NAALADL2: variants seen among roughly 807,000 people sequenced by gnomAD.
NAALADL2 encodes inactive N-acetylated-alpha-linked acidic dipeptidase-like protein 2.
In NAALADL2, 76 loss-of-function variants were observed where a neutral mutation model predicts 87.2. That is an observed-to-expected ratio of 0.87 (90% CI 0.72 to 1.05). The LOEUF is 1.05. NAALADL2 is among the 50% of genes least tolerant of loss of function. The pLI is 0.00. For missense variants in NAALADL2, 1,089 were observed against 945.8 expected, an observed-to-expected ratio of 1.15 and a Z score of -1.99; for synonymous variants, 354 against 331.0, an observed-to-expected ratio of 1.07 and a Z score of -0.75.
chr3:174,718,721 G>A (rs951270840), intron 2 of NAALADL2, among the ~76,000 whole-genome samples: 4 of 152,188 alleles, frequency 2.6e-5, no homozygotes, highest in African/African-American at 9.6e-5. Context: ...CTAAATCCAG[G>A]GCTGTATCTT....
intron 1 of NAALADL2, among the ~76,000 whole-genome samples, chr3:174,883,904 T>C (rs936009945): frequency 2.6e-5 from 4 of 152,188 alleles, no homozygotes; most frequent in African/African-American, 9.7e-5. Context: ...CTAATGGGCC[T>C]CCTGTATTCC....
At chr3:175,263,697 TAAAC>T (rs917178254) in intron 4 of NAALADL2, among the ~76,000 whole-genome samples, 1 of 151,376 alleles carries the variant, frequency 6.6e-6, no homozygotes, top group African/African-American at 2.4e-5. Context: ...TGTTATAAAT[TAAAC>T]AAAGTAAAAT....
chr3:175,194,329 A>G (rs1738664370), intron 2 of NAALADL2, among the ~76,000 whole-genome samples: 1 of 151,840 alleles, frequency 6.6e-6, no homozygotes, highest in Non-Finnish European at 1.5e-5. Context: ...AAACTAAAAC[A>G]GAGATGAATC....
At chr3:175,119,747 ATATC>A (rs1425038939) in intron 2 of NAALADL2, among the ~76,000 whole-genome samples, 2 of 144,674 alleles carry the variant, frequency 1.4e-5, no homozygotes, top group African/African-American at 2.6e-5. Context: ...ATATACTTAT[ATATC>A]TATATATAAA....
chr3:174,964,131 T>C (rs1235716754), intron 1 of NAALADL2, among the ~76,000 whole-genome samples: 1 of 152,136 alleles, frequency 6.6e-6, no homozygotes, highest in African/African-American at 2.4e-5. Context: ...TTTCTTCACA[T>C]GTAATGAAAT....
intron 2 of NAALADL2, among the ~76,000 whole-genome samples, chr3:175,140,232 G>C (rs940020866): frequency 6.6e-6 from 1 of 152,086 alleles, no homozygotes; most frequent in Admixed American, 6.6e-5. Context: ...ACCTAAATCA[G>C]TTCTGGACCT....
intron 1 of NAALADL2, among the ~76,000 whole-genome samples, chr3:174,537,897 C>A (rs1034398475): frequency 1.3e-5 from 2 of 152,138 alleles, no homozygotes; most frequent in African/African-American, 4.8e-5. Flanking sequence ...GCAGCCTATT[C>A]TTCCTCTTTC....
intron 4 of NAALADL2, among the ~76,000 whole-genome samples, chr3:175,284,032 C>CA (rs532617378): frequency 3.9e-4 from 59 of 152,126 alleles, no homozygotes; most frequent in Middle Eastern, 3.4e-3. Flanking sequence ...GTCCCATTAT[C>CA]AAAAAACTCG....
intron 2 of NAALADL2, among the ~76,000 whole-genome samples, chr3:174,627,643 G>GT (rs1009423871): frequency 1.3e-5 from 2 of 152,160 alleles, no homozygotes; most frequent in Non-Finnish European, 2.9e-5. Flanking sequence ...GCACGTGTAT[G>GT]TTTTTTGTAC....
chr3:175,136,456 T>C (rs1176743264), intron 2 of NAALADL2, among the ~76,000 whole-genome samples: 1 of 152,150 alleles, frequency 6.6e-6, no homozygotes, highest in Non-Finnish European at 1.5e-5. Flanking sequence ...ACTGAGACTG[T>C]AGGTAGCAGG....
Position 174,622,771 on chromosome 3 carries a change from T to C in NAALADL2, c.-115+72134T>C, listed in dbSNP as rs190592692. Among the ~76,000 whole-genome samples, 39 of 152,300 alleles carry C rather than the reference T, an allele frequency of 2.6e-4. No homozygotes were observed. In the East Asian group the frequency reaches 5.4e-3, roughly 21 times the overall value. On this transcript the variant is annotated intron_variant, in intron 2 of 3. Coordinates refer to the NAALADL2 transcript ENST00000434257. ...GTAAGAGGAATCGGGCCGGGCGCGGTGGCTCACGCCTGTAATCCCAGCACT... is the reference window on the plus strand; with the variant it reads ...GTAAGAGGAATCGGGCCGGGCGCGGCGGCTCACGCCTGTAATCCCAGCACT...
chr3:175,319,192 T>G (rs925283632), intron 4 of NAALADL2, among the ~76,000 whole-genome samples: 2 of 152,244 alleles, frequency 1.3e-5, no homozygotes, highest in East Asian at 1.9e-4. Flanking sequence ...CCTTAAATTC[T>G]TCCCTCCTTT....
chr3:174,664,411 G>C (rs888289657), intron 2 of NAALADL2, among the ~76,000 whole-genome samples: 12 of 152,122 alleles, frequency 7.9e-5, no homozygotes, highest in Non-Finnish European at 2.9e-5. Flanking sequence ...CATAAATCAT[G>C]AACTATGAGA....
chr3:175,080,591 T>C (rs1717610465), intron 1 of NAALADL2, among the ~76,000 whole-genome samples: 1 of 152,218 alleles, frequency 6.6e-6, no homozygotes, highest in Non-Finnish European at 1.5e-5. Context: ...ATACAAAGCA[T>C]TGAAATCTTA....
At chr3:175,095,332 T>C (rs1293085676) in intron 1 of NAALADL2, among the ~76,000 whole-genome samples, 1 of 152,092 alleles carries the variant, frequency 6.6e-6, no homozygotes, top group Admixed American at 6.6e-5. Context: ...CTTTTTTGTT[T>C]GTTTGTCCAT....
intron 1 of NAALADL2, among the ~76,000 whole-genome samples, chr3:174,468,337 T>G: frequency 6.6e-6 from 1 of 152,068 alleles, no homozygotes; most frequent in Non-Finnish European, 1.5e-5. Context: ...ATTCCGTTGC[T>G]AAGTAGTGTT....
chr3:174,922,291 C>T (rs1735338950), intron 1 of NAALADL2, among the ~76,000 whole-genome samples: 1 of 141,450 alleles, frequency 7.1e-6, no homozygotes, highest in South Asian at 2.2e-4. Context: ...GCCTGGGTGA[C>T]AGAGTGAGAC....
At chr3:175,016,948 G>T (rs959614884) in intron 1 of NAALADL2, among the ~76,000 whole-genome samples, 2 of 151,870 alleles carry the variant, frequency 1.3e-5, no homozygotes, top group African/African-American at 4.8e-5. Flanking sequence ...TAGCTATTTT[G>T]AAATGTACAA....
chr3:175,728,034 A>T (rs542285835), intron 11 of NAALADL2, among the ~76,000 whole-genome samples: 5 of 152,160 alleles, frequency 3.3e-5, no homozygotes, highest in African/African-American at 9.7e-5. Context: ...AGGTTGTATA[A>T]GTTCTCGCTT....
Sources: gnomAD v4.1 joint callset for allele counts (sites outside exome capture counted in the v4.1 genomes callset) on GRCh38, gnomAD v4.1.1 for gene constraint, MANE v1.5 for transcripts, NCBI Gene and HGNC (gene_info 2026-07-23, HGNC 2026-07-21) for gene names.